Variants in SLC7A6 observed in about 807,000 individuals in gnomAD.
SLC7A6 encodes the protein Y+L amino acid transporter 2.
Under a neutral mutation model 46.6 loss-of-function variants are expected in SLC7A6, and 29 were observed. The observed-to-expected ratio is 0.62, with a 90% CI of 0.46 to 0.85. The LOEUF (loss-of-function observed/expected upper bound fraction) is 0.85, where lower values mean the gene tolerates loss of function less well. Ranked by LOEUF, SLC7A6 falls within the 40% of genes least tolerant of loss-of-function variation. SLC7A6 has a pLI of 0.00. For synonymous variants in SLC7A6, 276 were observed against 257.3 expected (o/e 1.07, Z -0.70); for missense variants, 527 against 647.6 (o/e 0.81, Z 2.02).
Position 68,299,158 on chromosome 16 carries a change from G to C in SLC7A6, c.*1830G>C, listed in dbSNP as rs1008794832. On this transcript the variant is annotated 3_prime_UTR_variant, in exon 11 of 11. Transcript: ENST00000219343. ...AAAGGCTGACTTGCCTGAACGCTAA[G>C]AACATGACTTCTGTCTGAGCTAAGC... 1 of 152,660 alleles carries C rather than the reference G, an allele frequency of 6.6e-6. No homozygotes were observed. Among genetic ancestry groups the C allele is most frequent in the Non-Finnish European group, 1.5e-5 (1 of 68,048 alleles). 9.5% of individuals were successfully genotyped at this position (152,660 alleles called of 1,614,324 possible).
intron 8 of SLC7A6, among the ~76,000 whole-genome samples, chr16:68,295,890 CCATTATTTATTGA>C (rs1312845611): frequency 6.6e-6 from 1 of 152,156 alleles, no homozygotes; most frequent in Non-Finnish European, 1.5e-5. Context: ...GAGTTAGATT[CCATTATTTATTGA>C]CATTATTTAG....
At chr16:68,279,107 G>T (rs2151219412) in intron 3 of SLC7A6, among the ~76,000 whole-genome samples, 1 of 152,214 alleles carries the variant, frequency 6.6e-6, no homozygotes, top group East Asian at 1.9e-4. Flanking sequence ...AGGCTGAGGA[G>T]GGAGGATCAC....
intron 2 of SLC7A6, among the ~76,000 whole-genome samples, chr16:68,267,252 T>C (rs1444130145): frequency 7.1e-6 from 1 of 139,980 alleles, no homozygotes. Flanking sequence ...TTCGCTCTCA[T>C]TGCCCTGGCG....
chr16:68,287,321 A>G (rs1208072791), intron 3 of SLC7A6: 1 of 1,289,064 alleles, frequency 7.8e-7, no homozygotes, highest in Non-Finnish European at 1.0e-6. Context: ...CTAATTTCTT[A>G]GGTAACCTGC....
At chr16:68,286,075 G>C (rs541436325) in intron 3 of SLC7A6, among the ~76,000 whole-genome samples, 185 of 120,602 alleles carry the variant, frequency 1.5e-3, no homozygotes, top group Middle Eastern at 7.1e-3. Flanking sequence ...CTGGGTGACA[G>C]AGCAAGACCC....
At chr16:68,291,906 T>C in intron 7 of SLC7A6, 1 of 492,178 alleles carries the variant, frequency 2.0e-6, no homozygotes, top group Non-Finnish European at 3.6e-6. Flanking sequence ...ATAGCTCATG[T>C]TATGTGTTGA....
chr16:68,297,993 T>G lies in SLC7A6; in HGVS notation c.*665T>G, dbSNP rs1352755591. 2.0e-5 allele frequency: 3 copies of G among 152,682 alleles called. No homozygotes were observed. The highest frequency in any genetic ancestry group is 7.2e-5 in the African/African-American group (3 of 41,460). The allele number at this position is 152,682 out of a possible 1,614,324, so 9.5% of individuals were successfully genotyped here. ...GGTCAGACTCTGACCACAGGTTTTA[T>G]GCTGTTTAGCACAATTTCTATTGAG... On this transcript the variant is annotated 3_prime_UTR_variant, in exon 11 of 11. Coordinates refer to ENST00000219343, the MANE Select transcript of SLC7A6 (RefSeq NM_003983.6).
intron 4 of SLC7A6, 54 bp from the exon 5 acceptor site, chr16:68,290,342 C>T (rs772054575): frequency 1.3e-6 from 2 of 1,593,174 alleles, no homozygotes; most frequent in Non-Finnish European, 1.7e-6. Context: ...CTCTTCCTTT[C>T]TCCTTTGGCC....
At chr16:68,273,370 GACTA>G (rs1323575449) in intron 2 of SLC7A6, among the ~76,000 whole-genome samples, 1 of 152,150 alleles carries the variant, frequency 6.6e-6, no homozygotes, top group Non-Finnish European at 1.5e-5. Flanking sequence ...GACCTTAAAG[GACTA>G]ACTGTTACGT....
rs1010866973 is a variant in SLC7A6 at position 68,299,647 on chromosome 16, G to C, written c.*2319G>C. 24 of 152,306 alleles carry C rather than the reference G, an allele frequency of 1.6e-4. No individual in the cohort carries two copies. The highest frequency in any genetic ancestry group is 5.1e-4 in the African/African-American group (21 of 41,554). The allele number at this position is 152,306 out of a possible 1,614,324, so 9.4% of individuals were successfully genotyped here. A position where few individuals can be genotyped will look rare whatever the true frequency, so the allele number is the denominator to read the frequency against. The stretch of plus-strand genomic sequence containing the variant: ...TGGGGAAACTTAATGAGTATAAATA[G>C]CAGGGAGCACATTGTAACAGCACAG... On this transcript the variant is annotated 3_prime_UTR_variant, in exon 11 of 11. Coordinates refer to ENST00000219343, the MANE Select transcript of SLC7A6 (RefSeq NM_003983.6).
At position 68,269,823 on chromosome 16, in the gene SLC7A6, C is replaced by T. The variant is rs144489897; in HGVS notation, c.-37+3102C>T. On this transcript the variant is annotated intron_variant, in intron 2 of 10. Coordinates refer to ENST00000219343, the MANE Select transcript of SLC7A6 (RefSeq NM_003983.6). ...ACTCTGTCACCAAGGCTGGAGTGCCCGTAGTGCCATCATGGTTCACTGCAG... is the reference window on the plus strand; with the variant it reads ...ACTCTGTCACCAAGGCTGGAGTGCCTGTAGTGCCATCATGGTTCACTGCAG... 4.9e-3 allele frequency among the ~76,000 whole-genome samples: 745 copies of T among 152,122 alleles called. 4 individuals carry two copies. The highest frequency in any genetic ancestry group is 7.8e-3 in the Non-Finnish European group (529 of 67,990).
rs745881301 is a variant in SLC7A6, at chr16:68,287,305, GTC to G, written c.524-435_524-434del. ...ATTTTTACACTTAATGCAAAACACT[GTC>G]TCTCTAATTTCTTAGGTAACCTGCC... On this transcript the variant is annotated intron_variant, in intron 3 of 10. Coordinates refer to ENST00000219343, the MANE Select transcript of SLC7A6 (RefSeq NM_003983.6). The G allele has an allele frequency of 5.3e-5, 68 of 1,287,948 alleles. 1 individual carries two copies. In the South Asian group the frequency reaches 8.2e-4, roughly 15 times the overall value. 79.8% of individuals were successfully genotyped at this position (1,287,948 alleles called of 1,614,324 possible).
At chr16:68,291,057 A>G (rs1391747186) in intron 5 of SLC7A6, 152 bp from the exon 6 acceptor site, 3 of 911,118 alleles carry the variant, frequency 3.3e-6, no homozygotes, top group Non-Finnish European at 5.2e-6. Flanking sequence ...CTCAATAGAA[A>G]GAACCCAGGG....
At chr16:68,272,664 C>T (rs902905960) in intron 2 of SLC7A6, among the ~76,000 whole-genome samples, 3 of 152,140 alleles carry the variant, frequency 2.0e-5, no homozygotes, top group Admixed American at 2.0e-4. Flanking sequence ...TTTGACAAAC[C>T]TGATAAAGCC....
Position 68,301,136 on chromosome 16 carries a change from G to C in SLC7A6, c.*3808G>C. ...CATAAGTTTTCACTGTGGTGGGATGGTGCCGCCCGATATGCTTGATATGCT... is the reference window on the plus strand; with the variant it reads ...CATAAGTTTTCACTGTGGTGGGATGCTGCCGCCCGATATGCTTGATATGCT... On this transcript the variant is annotated 3_prime_UTR_variant, in exon 11 of 11. Coordinates refer to ENST00000219343, the MANE Select transcript of SLC7A6 (RefSeq NM_003983.6). 6.9e-7 allele frequency: 1 copy of C among 1,445,148 alleles called. No individual in the cohort carries two copies. The highest frequency in any genetic ancestry group is 9.1e-7 in the Non-Finnish European group (1 of 1,095,848). The allele number at this position is 1,445,148 out of a possible 1,614,324, so 89.5% of individuals were successfully genotyped here.
intron 2 of SLC7A6, among the ~76,000 whole-genome samples, chr16:68,272,544 T>G (rs1222712901): frequency 1.3e-5 from 2 of 152,212 alleles, no homozygotes; most frequent in Non-Finnish European, 2.9e-5. Flanking sequence ...CAGCAGGAAC[T>G]TTGTCTTTCA....
Position 68,299,804 on chromosome 16 carries a change from C to G in SLC7A6, c.*2476C>G, listed in dbSNP as rs1462400785. The G allele has an allele frequency of 6.6e-6, 1 of 152,118 alleles. No individual in the cohort carries two copies. The highest frequency in any genetic ancestry group is 1.5e-5 in the Non-Finnish European group (1 of 68,034). The allele number at this position is 152,118 out of a possible 1,614,324, so 9.4% of individuals were successfully genotyped here. A position where few individuals can be genotyped will look rare whatever the true frequency, so the allele number is the denominator to read the frequency against. ...TGCCTGTTATAACGGTGAATTATAC[C>G]TTTGTGCATGCCTAGGATGTTTGTT... On this transcript the variant is annotated 3_prime_UTR_variant, in exon 11 of 11. Transcript: ENST00000219343.
intron 3 of SLC7A6, among the ~76,000 whole-genome samples, chr16:68,282,188 G>A (rs1426923255): frequency 6.6e-6 from 1 of 152,140 alleles, no homozygotes; most frequent in Admixed American, 6.6e-5. Flanking sequence ...GGAGGACTGG[G>A]TCTTGATCAT....
In SLC7A6 at chr16:68,275,090, T is replaced by G. The variant is rs749366680; in HGVS notation, c.364T>G (p.Phe122Val). The G allele has an allele frequency of 6.2e-7, 1 of 1,614,154 alleles. No individual in the cohort carries two copies. Among genetic ancestry groups the G allele is most frequent in the Non-Finnish European group, 8.5e-7 (1 of 1,180,022 alleles). ...YAYILEAFGGFIAFIRLWVSL... is the reference protein window; with the variant it reads ...YAYILEAFGGVIAFIRLWVSL... ...TTATATTCTAGAGGCCTTTGGGGGC[T>G]TCATTGCCTTCATCCGCCTGTGGGT... Residue 122 changes from phenylalanine to valine, a missense_variant, in exon 3 of 11, where the codon TTC (phenylalanine) becomes GTC (valine). Transcript: ENST00000219343.
Sources: allele counts gnomAD v4.1 joint callset (sites outside exome capture counted in the v4.1 genomes callset), GRCh38; gene constraint gnomAD v4.1.1; transcripts MANE v1.5; gene names NCBI Gene and HGNC (gene_info 2026-07-23, HGNC 2026-07-21).